Variants in ZNF710 observed in about 807,000 individuals in gnomAD.
The protein encoded by ZNF710 is zinc finger protein 710.
A neutral mutation model predicts 50.6 loss-of-function variants in ZNF710; 13 were observed. The observed-to-expected ratio is 0.26, with a 90% CI of 0.17 to 0.41. ZNF710 has a LOEUF of 0.41. Among genes scored for constraint, ZNF710 ranks in the 10% least tolerant of loss-of-function variants. The pLI, the probability that ZNF710 is intolerant of heterozygous loss-of-function variation, is 1.00. For missense variants in ZNF710, 721 were observed against 936.6 expected, an observed-to-expected ratio of 0.77 and a Z score of 3.01; for synonymous variants, 383 against 397.0, an observed-to-expected ratio of 0.96 and a Z score of 0.42.
chr15:90,030,032 A>G (rs1256289450), intron 1 of ZNF710, among the ~76,000 whole-genome samples: 1 of 151,892 alleles, frequency 6.6e-6, no homozygotes, highest in Non-Finnish European at 1.5e-5. Context: ...CACAACAGCC[A>G]TTAGCATTAG....
intron 1 of ZNF710, among the ~76,000 whole-genome samples, chr15:90,061,071 T>C (rs545125196): frequency 1.3e-5 from 2 of 152,312 alleles, no homozygotes; most frequent in South Asian, 4.1e-4. Context: ...CACGGGTGGT[T>C]GGTGATGTCC....
intron 1 of ZNF710, among the ~76,000 whole-genome samples, chr15:90,031,696 C>T (rs761050082): frequency 2.4e-4 from 37 of 152,314 alleles, no homozygotes; most frequent in Admixed American, 6.5e-4. Flanking sequence ...GGGGCATCTT[C>T]AGTGGCCACG....
At chr15:90,028,104 A>T (rs1313877484) in intron 1 of ZNF710, among the ~76,000 whole-genome samples, 1 of 152,212 alleles carries the variant, frequency 6.6e-6, no homozygotes, top group Non-Finnish European at 1.5e-5. Flanking sequence ...AGAGTTTTTA[A>T]AAGATTTTAT....
At chr15:90,049,448 G>A (rs566351940) in intron 1 of ZNF710, among the ~76,000 whole-genome samples, 320 of 152,270 alleles carry the variant, frequency 2.1e-3, no homozygotes, top group African/African-American at 7.3e-3. Context: ...CCAGCCATTC[G>A]CTTGTTTTAT....
Position 90,030,218 on chromosome 15 carries a change from A to G in ZNF710, c.-29+28604A>G, listed in dbSNP as rs1452550760. On this transcript the variant is annotated intron_variant, in intron 1 of 4. Coordinates refer to ENST00000268154, the MANE Select transcript of ZNF710 (RefSeq NM_198526.4). Reference sequence around the variant, plus strand: ...GTGGTGCATGCCTGTGATCCCAGCTATTTGGGAGGCTGAGGCAGGAAAATC... The same window carrying G: ...GTGGTGCATGCCTGTGATCCCAGCTGTTTGGGAGGCTGAGGCAGGAAAATC... 2.8e-5 allele frequency among the ~76,000 whole-genome samples: 4 copies of G among 142,608 alleles called. 1 individual carries two copies. The Admixed American group carries it at 3.0e-4, about 11-fold the overall frequency. The allele number at this position is 142,608 out of a possible 152,430, so 93.6% of individuals were successfully genotyped here.
At chr15:90,056,440 C>T (rs1013232063) in intron 1 of ZNF710, among the ~76,000 whole-genome samples, 23 of 152,072 alleles carry the variant, frequency 1.5e-4, no homozygotes, top group Non-Finnish European at 1.0e-4. Flanking sequence ...CCAGATTAGT[C>T]CTGACTGAGG....
intron 1 of ZNF710, among the ~76,000 whole-genome samples, chr15:90,035,510 G>A (rs953352761): frequency 2.0e-5 from 3 of 152,366 alleles, no homozygotes; most frequent in Non-Finnish European, 2.9e-5. Flanking sequence ...CTTCTTATGT[G>A]CCGGGACAGG....
chr15:90,018,023 C>G (rs1348248861), intron 1 of ZNF710, among the ~76,000 whole-genome samples: 2 of 152,014 alleles, frequency 1.3e-5, no homozygotes, highest in African/African-American at 4.8e-5. Context: ...GACGTCCTAC[C>G]CAGCATTCTG....
At chr15:90,066,644 T>A (rs1374684914) in intron 1 of ZNF710, among the ~76,000 whole-genome samples, 1 of 151,984 alleles carries the variant, frequency 6.6e-6, no homozygotes, top group African/African-American at 2.4e-5. Context: ...CCCAGCTAAT[T>A]TTGTATTTTT....
rs1001998098 is a variant in ZNF710, at chr15:90,021,794, C to T, written c.-29+20180C>T. 5.9e-5 allele frequency among the ~76,000 whole-genome samples: 9 copies of T among 152,230 alleles called. 1 individual carries two copies. Among genetic ancestry groups the T allele is most frequent in the Middle Eastern group, 6.8e-3 (2 of 294 alleles). On this transcript the variant is annotated intron_variant, in intron 1 of 4. Transcript: ENST00000268154. ...CTAGCTGAGTCCTAGCAGACAAAGG[C>T]GGCATGGGGGACCAGGCGTGGTGGC... is the stretch of plus-strand genomic sequence containing the variant.
At chr15:90,004,811 C>T (rs1270405766) in intron 1 of ZNF710, among the ~76,000 whole-genome samples, 1 of 152,188 alleles carries the variant, frequency 6.6e-6, no homozygotes, top group Non-Finnish European at 1.5e-5. Flanking sequence ...ACGCCGCACA[C>T]GAGTTGGGTA....
chr15:90,022,884 A>C (rs1898664303), intron 1 of ZNF710, among the ~76,000 whole-genome samples: 1 of 152,222 alleles, frequency 6.6e-6, no homozygotes, highest in Non-Finnish European at 1.5e-5. Flanking sequence ...ACATATTTAT[A>C]GTTACTGAAT....
Position 90,062,991 on chromosome 15 carries a change from T to C in ZNF710, c.-28-4119T>C, listed in dbSNP as rs1349616990. Among the ~76,000 whole-genome samples the C allele has an allele frequency of 6.6e-6, 1 of 151,996 alleles. No homozygotes were observed. On this transcript the variant is annotated intron_variant, in intron 1 of 4. Coordinates refer to ENST00000268154, the MANE Select transcript of ZNF710 (RefSeq NM_198526.4). This position sits in a 1 kb window ranked among gnomAD's most constrained non-coding sequence, Gnocchi z 5.6. Reference sequence around the variant, plus strand: ...CTCCAGGCCAGTGTAAAAGAAAGCGTGGGGCCAACTGCCCAGGTGGGCAGT... The same window carrying C: ...CTCCAGGCCAGTGTAAAAGAAAGCGCGGGGCCAACTGCCCAGGTGGGCAGT...
rs556483892 is a variant in ZNF710, at chr15:90,062,901, G to A, written c.-28-4209G>A. On this transcript the variant is annotated intron_variant, in intron 1 of 4. Coordinates refer to ENST00000268154, the MANE Select transcript of ZNF710 (RefSeq NM_198526.4). The surrounding 1 kb of genome is among the most constrained non-coding windows in gnomAD (Gnocchi z 5.6). The stretch of plus-strand genomic sequence containing the variant: ...AGTGAACAAGACAACATGGACACGG[G>A]GCCTGCCCCCATAAGCCTCACAAAG... Among the ~76,000 whole-genome samples the A allele has an allele frequency of 1.3e-5, 2 of 152,306 alleles. No individual in the cohort carries two copies. Among genetic ancestry groups the A allele is most frequent in the East Asian group, 3.9e-4 (2 of 5,174 alleles).
intron 1 of ZNF710, among the ~76,000 whole-genome samples, chr15:90,021,834 C>T (rs1443876804): frequency 1.3e-5 from 2 of 152,142 alleles, no homozygotes; most frequent in Non-Finnish European, 2.9e-5. Flanking sequence ...ACCTGTAATC[C>T]CAGCACTTTG....
intron 1 of ZNF710, among the ~76,000 whole-genome samples, chr15:90,042,274 G>A (rs563841624): frequency 6.6e-6 from 1 of 152,134 alleles, no homozygotes; most frequent in African/African-American, 2.4e-5. Context: ...CCTGGGGCCT[G>A]TTCCAGCGAA....
chr15:90,079,663 C>T lies in ZNF710; in HGVS notation c.1829C>T (p.Pro610Leu). 6.2e-7 allele frequency: 1 copy of T among 1,613,212 alleles called. No individual in the cohort carries two copies. Among genetic ancestry groups the T allele is most frequent in the Non-Finnish European group, 8.5e-7 (1 of 1,179,644 alleles). ...VMDIGLDSQD[P>L]MMELTGTDPS... is the part of the protein sequence containing the mutation. Reference sequence around the variant, plus strand: ...TGACTGTGCCCCTCTCTTACAGACCCCATGATGGAGCTGACAGGCACTGAC... The same window carrying T: ...TGACTGTGCCCCTCTCTTACAGACCTCATGATGGAGCTGACAGGCACTGAC... Residue 610 changes from proline (P) to leucine (L), a missense_variant, in exon 5 of 5, where the codon CCC (proline) becomes CTC (leucine). Physicochemically the swap from Pro to Leu is moderately conservative, Grantham distance 98. Coordinates refer to ENST00000268154, the MANE Select transcript of ZNF710 (RefSeq NM_198526.4).
chr15:90,026,424 A>G (rs1207715525), intron 1 of ZNF710, among the ~76,000 whole-genome samples: 5 of 152,074 alleles, frequency 3.3e-5, no homozygotes, highest in Non-Finnish European at 4.4e-5. Flanking sequence ...TTGAGAAAAA[A>G]TTTTCAATCC....
At chr15:90,036,941 T>C (rs1292892830) in intron 1 of ZNF710, among the ~76,000 whole-genome samples, 1 of 152,202 alleles carries the variant, frequency 6.6e-6, no homozygotes, top group East Asian at 1.9e-4. Flanking sequence ...AAAGAGGCAC[T>C]TCAAGCACAT....
Sources: gnomAD v4.1 joint callset for allele counts (sites outside exome capture counted in the v4.1 genomes callset) on GRCh38, gnomAD v4.1.1 for gene constraint, Gnocchi (gnomAD v3.1) non-coding constraint, MANE v1.5 for transcripts, NCBI Gene and HGNC (gene_info 2026-07-23, HGNC 2026-07-21) for gene names.